Variants in GADL1 observed in about 807,000 individuals in gnomAD.
GADL1 encodes GAD like acidic amino acid decarboxylase 1.
A neutral mutation model predicts 69.5 loss-of-function variants in GADL1; 71 were observed. The observed-to-expected ratio is 1.02, with a 90% CI of 0.84 to 1.25. The LOEUF (loss-of-function observed/expected upper bound fraction) is 1.25. Ranked by LOEUF, GADL1 falls within the 50% of genes most tolerant of loss-of-function variation. The pLI is 0.00. For synonymous variants in GADL1, 254 were observed against 214.4 expected, an observed-to-expected ratio of 1.18 and a Z score of -1.62; for missense variants, 737 against 631.8, an observed-to-expected ratio of 1.17 and a Z score of -1.79.
At chr3:30,842,819 G>A (rs1178377491) in intron 8 of GADL1, among the ~76,000 whole-genome samples, 2 of 32,066 alleles carry the variant, frequency 6.2e-5, no homozygotes, top group Non-Finnish European at 1.2e-4. Flanking sequence ...TCATTGGAAT[G>A]TTTAAAAAAA....
At chr3:30,775,350 A>G (rs930021968) in intron 14 of GADL1, among the ~76,000 whole-genome samples, 3 of 152,218 alleles carry the variant, frequency 2.0e-5, no homozygotes, top group African/African-American at 7.2e-5. Context: ...TCTCTATCCA[A>G]GATAAACCCT....
At chr3:30,840,586 A>G (rs1697949545) in intron 8 of GADL1, among the ~76,000 whole-genome samples, 1 of 152,222 alleles carries the variant, frequency 6.6e-6, no homozygotes, top group Non-Finnish European at 1.5e-5. Context: ...AAAGCAATAG[A>G]AAAATAATTT....
chr3:30,753,486 C>A (rs561160852), intron 14 of GADL1, among the ~76,000 whole-genome samples: 18 of 142,782 alleles, frequency 1.3e-4, no homozygotes, highest in African/African-American at 3.2e-4. Flanking sequence ...TCCTAAAAAA[C>A]CAAATTTAAG....
chr3:30,862,758 C>T (rs1354283), intron 1 of GADL1, among the ~76,000 whole-genome samples: 55,613 of 151,818 alleles, frequency 0.37, 10,651 homozygotes, highest in East Asian at 0.69. Context: ...CTAGCTGCTT[C>T]CTTCTTGAAC....
At chr3:30,845,620 T>C (rs1056682122) in intron 6 of GADL1, among the ~76,000 whole-genome samples, 2 of 152,010 alleles carry the variant, frequency 1.3e-5, no homozygotes, top group African/African-American at 4.8e-5. Flanking sequence ...AATTTCCAAA[T>C]ATCAAATAGG....
chr3:30,874,725 G>A (rs1031741696), intron 1 of GADL1, among the ~76,000 whole-genome samples: 8 of 151,874 alleles, frequency 5.3e-5, no homozygotes, highest in African/African-American at 1.9e-4. Context: ...TCTATGCCAT[G>A]TTTTTGTAGG....
chr3:30,782,516 A>G (rs1362423114), intron 13 of GADL1, among the ~76,000 whole-genome samples: 3 of 152,130 alleles, frequency 2.0e-5, no homozygotes, highest in African/African-American at 7.2e-5. Flanking sequence ...ACTACACTTA[A>G]GTTTTTAGAA....
chr3:30,820,024 G>A (rs1697544179), intron 11 of GADL1, among the ~76,000 whole-genome samples: 1 of 151,590 alleles, frequency 6.6e-6, no homozygotes, highest in Non-Finnish European at 1.5e-5. Flanking sequence ...TTTTAAAGAA[G>A]TTTTAAAACT....
intron 6 of GADL1, among the ~76,000 whole-genome samples, chr3:30,846,490 T>C (rs1431342443): frequency 6.6e-6 from 1 of 152,090 alleles, no homozygotes. Context: ...CACTGTGCCC[T>C]GGACACCTGG....
chr3:30,894,558 C>A lies in GADL1; in HGVS notation c.37+20G>T, dbSNP rs1698831358. ...CAGGGGAGGTTAAGGACAAAAACCG[C>A]AGCCGCGCTGAGTCGTTACCGTCCA... On this transcript the variant is annotated intron_variant, in intron 1 of 14. Coordinates refer to ENST00000282538, the MANE Select transcript of GADL1 (RefSeq NM_207359.3). The A allele has an allele frequency of 1.3e-6, 2 of 1,546,500 alleles. No individual in the cohort carries two copies. Among genetic ancestry groups the A allele is most frequent in the Non-Finnish European group, 1.7e-6 (2 of 1,143,928 alleles).
chr3:30,758,387 C>T (rs931908183), intron 14 of GADL1, among the ~76,000 whole-genome samples: 11 of 150,080 alleles, frequency 7.3e-5, no homozygotes, highest in African/African-American at 2.7e-4. Flanking sequence ...ATCTCCATTT[C>T]CTACACTTTG....
chr3:30,803,803 T>C (rs928779120), intron 11 of GADL1, among the ~76,000 whole-genome samples: 8 of 152,214 alleles, frequency 5.3e-5, no homozygotes, highest in African/African-American at 1.9e-4. Context: ...TGTCCTTTAG[T>C]TTTAAGACAT....
intron 11 of GADL1, among the ~76,000 whole-genome samples, chr3:30,823,548 A>G (rs528586075): frequency 2.6e-5 from 4 of 151,930 alleles, no homozygotes; most frequent in Non-Finnish European, 4.4e-5. Flanking sequence ...CCATTTTTAT[A>G]AGAAAGATCA....
chr3:30,777,251 TAAAA>T (rs564268499), intron 14 of GADL1, among the ~76,000 whole-genome samples: 1 of 147,862 alleles, frequency 6.8e-6, no homozygotes, highest in South Asian at 2.2e-4. Context: ...AAATTGCTTT[TAAAA>T]AAAAAACGTT....
At chr3:30,844,720 A>G (rs1293742898) in intron 6 of GADL1, among the ~76,000 whole-genome samples, 1 of 152,144 alleles carries the variant, frequency 6.6e-6, no homozygotes, top group Non-Finnish European at 1.5e-5. Flanking sequence ...TACACTCTCC[A>G]AGCCTCAATT....
chr3:30,785,446 G>A (rs995195139), intron 13 of GADL1, among the ~76,000 whole-genome samples: 20 of 145,564 alleles, frequency 1.4e-4, no homozygotes, highest in Admixed American at 2.9e-4. Context: ...GTGCAATGGC[G>A]CGATAGCTCA....
chr3:30,875,564 C>T (rs951464906), intron 1 of GADL1, among the ~76,000 whole-genome samples: 4 of 151,832 alleles, frequency 2.6e-5, no homozygotes, highest in Non-Finnish European at 4.4e-5. Context: ...GTCATGCAGG[C>T]CAGGATAATT....
At chr3:30,749,706 C>T (rs1484283042) in intron 14 of GADL1, among the ~76,000 whole-genome samples, 2 of 152,144 alleles carry the variant, frequency 1.3e-5, no homozygotes, top group African/African-American at 2.4e-5. Context: ...CTAGGCAACA[C>T]CTGAGAAGCA....
chr3:30,828,308 A>T (rs932231498), intron 11 of GADL1, among the ~76,000 whole-genome samples: 13 of 151,888 alleles, frequency 8.6e-5, no homozygotes, highest in African/African-American at 3.1e-4. Flanking sequence ...CTTCTCAGGT[A>T]TATTTTCCAG....
Sources: allele counts gnomAD v4.1 joint callset (sites outside exome capture counted in the v4.1 genomes callset), GRCh38; gene constraint gnomAD v4.1.1; transcripts MANE v1.5; gene names NCBI Gene and HGNC (gene_info 2026-07-23, HGNC 2026-07-21).